The following OPA1 variants were observed in gnomAD, a reference collection of about 807,000 sequenced individuals.
OPA1 encodes dynamin-like GTPase OPA1, mitochondrial.
A neutral mutation model predicts 152.9 loss-of-function variants in OPA1; 59 were observed. That is an observed-to-expected ratio of 0.39 (90% CI 0.31 to 0.48). The LOEUF (loss-of-function observed/expected upper bound fraction) is 0.48, where lower values mean the gene tolerates loss of function less well. Among genes scored for constraint, OPA1 ranks in the 20% least tolerant of loss-of-function variants. The pLI, the probability that OPA1 is intolerant of heterozygous loss-of-function variation, is 0.96. For synonymous variants in OPA1, 400 were observed against 389.9 expected (o/e 1.03, Z -0.31); for missense variants, 1,008 against 1,216.8 (o/e 0.83, Z 2.55).
At chr3:193,651,049 AG>A (rs35018181) in intron 21 of OPA1, among the ~76,000 whole-genome samples, 4 of 152,202 alleles carry the variant, frequency 2.6e-5, no homozygotes, top group African/African-American at 9.7e-5. Flanking sequence ...AAGGCGACAC[AG>A]GTAGCTGTGT....
intron 1 of OPA1, among the ~76,000 whole-genome samples, chr3:193,609,493 G>A (rs562296201): frequency 6.6e-5 from 10 of 152,170 alleles, no homozygotes; most frequent in African/African-American, 2.4e-4. Flanking sequence ...TTTCAACTTT[G>A]GTGAATCTGA....
At chr3:193,686,053 A>T (rs561861324) in intron 29 of OPA1, among the ~76,000 whole-genome samples, 5 of 152,302 alleles carry the variant, frequency 3.3e-5, no homozygotes, top group East Asian at 1.9e-4. Context: ...CTTAAAAAAA[A>T]TTTTCATCAA....
At chr3:193,600,489 T>C (rs1726298280) in intron 1 of OPA1, among the ~76,000 whole-genome samples, 1 of 152,198 alleles carries the variant, frequency 6.6e-6, no homozygotes, top group Admixed American at 6.5e-5. Flanking sequence ...ATTATGACTG[T>C]TAAGAGGACA....
rs569450819 is a variant in OPA1 at position 193,655,947 on chromosome 3, C to G, written c.2178+920C>G. ...TATTCGGATGTGATTTCACCCCTTT[C>G]CTATCTTGCTCCAGTGTTAACTTCC... On this transcript the variant is annotated intron_variant, in intron 22 of 30. Transcript: ENST00000361510. 3.6e-4 allele frequency among the ~76,000 whole-genome samples: 55 copies of G among 152,286 alleles called. No homozygotes were observed. In the South Asian group the frequency reaches 0.011, roughly 32 times the overall value.
intron 1 of OPA1, among the ~76,000 whole-genome samples, chr3:193,612,691 A>C (rs1188044859): frequency 2.0e-5 from 3 of 152,184 alleles, no homozygotes; most frequent in Non-Finnish European, 4.4e-5. Flanking sequence ...TGGGCCCATA[A>C]TTTTTATACG....
Position 193,692,133 on chromosome 3 carries a change from G to A in OPA1, c.*5+1G>A. On this transcript the variant is annotated splice_donor_variant, in intron 30 of 30. Transcript: ENST00000361510. LOFTEE classifies it low-confidence loss of function (3UTR_SPLICE). ...CTCTTCATCAGGAGAAATAAATTAA[G>A]TGAGTAAAAATTCTCTAACTGTATT... The A allele has an allele frequency of 6.7e-7, 1 of 1,491,262 alleles. No individual in the cohort carries two copies. Among genetic ancestry groups the A allele is most frequent in the Non-Finnish European group, 9.2e-7 (1 of 1,084,076 alleles). The allele number at this position is 1,491,262 out of a possible 1,614,324, so 92.4% of individuals were successfully genotyped here. A position where few individuals can be genotyped will look rare whatever the true frequency, so the allele number is the denominator to read the frequency against.
At chr3:193,631,692 G>C in intron 8 of OPA1, 27 bp downstream of exon 8, 2 of 1,588,266 alleles carry the variant, frequency 1.3e-6, no homozygotes, top group South Asian at 2.2e-5. Flanking sequence ...AGAAAAACTA[G>C]GGACTTTTAA....
At chr3:193,639,953 A>G (rs182858696) in intron 11 of OPA1, among the ~76,000 whole-genome samples, 37 of 152,284 alleles carry the variant, frequency 2.4e-4, no homozygotes, top group East Asian at 5.8e-4. Context: ...GAGAGTGTCA[A>G]TCATCAATGA....
intron 30 of OPA1, among the ~76,000 whole-genome samples, chr3:193,692,825 CT>C (rs1280329814): frequency 6.6e-6 from 1 of 152,224 alleles, no homozygotes; most frequent in Non-Finnish European, 1.5e-5. Flanking sequence ...AGTGCAATCA[CT>C]GTTCACTGCA....
At chr3:193,636,893 A>T (rs1434838798) in intron 9 of OPA1, among the ~76,000 whole-genome samples, 1 of 152,112 alleles carries the variant, frequency 6.6e-6, no homozygotes, top group East Asian at 1.9e-4. Context: ...CTTTTCTTGC[A>T]TTCAGTATTA....
intron 2 of OPA1, 63 bp downstream of exon 2, chr3:193,615,104 A>T (rs1728816063): frequency 7.6e-7 from 1 of 1,307,800 alleles, no homozygotes; most frequent in Non-Finnish European, 1.1e-6. Flanking sequence ...CTATAGCATA[A>T]ATCATTTTTG....
In OPA1 at chr3:193,667,288, G is replaced by C; in HGVS notation, c.2983+8G>C. 1.0e-5 allele frequency: 12 copies of C among 1,202,788 alleles called. No individual in the cohort carries two copies. The highest frequency in any genetic ancestry group is 1.4e-5 in the Non-Finnish European group (11 of 803,762). 74.5% of individuals were successfully genotyped at this position (1,202,788 alleles called of 1,614,324 possible). Reference sequence around the variant, plus strand: ...AACTGGCGGAAGACCTCAGTGAGTAGTTCTTACTGCCCTCTACCTTACTAC... The same window carrying C: ...AACTGGCGGAAGACCTCAGTGAGTACTTCTTACTGCCCTCTACCTTACTAC... On this transcript the variant is annotated splice_region_variant and intron_variant, in intron 29 of 30. Transcript: ENST00000361510.
chr3:193,678,212 C>G (rs1719504777), intron 29 of OPA1, among the ~76,000 whole-genome samples: 2 of 152,086 alleles, frequency 1.3e-5, no homozygotes, highest in Non-Finnish European at 2.9e-5. Context: ...GCCATTTTAT[C>G]TTTAGTCTCT....
intron 6 of OPA1, among the ~76,000 whole-genome samples, chr3:193,624,848 T>A (rs1730789300): frequency 1.3e-5 from 2 of 152,142 alleles, no homozygotes; most frequent in South Asian, 4.1e-4. Flanking sequence ...TTAAGACACT[T>A]TCTAATTATA....
intron 1 of OPA1, among the ~76,000 whole-genome samples, chr3:193,598,180 CAG>C (rs1304155502): frequency 6.6e-6 from 1 of 152,144 alleles, no homozygotes; most frequent in Non-Finnish European, 1.5e-5. Context: ...GAATTCCAAA[CAG>C]TGATTCACCT....
At chr3:193,624,607 AATG>A (rs1730730208) in intron 6 of OPA1, among the ~76,000 whole-genome samples, 1 of 152,136 alleles carries the variant, frequency 6.6e-6, no homozygotes, top group South Asian at 2.1e-4. Context: ...TAGGTTTGTT[AATG>A]ATCATAAAAC....
At position 193,670,272 on chromosome 3, in the gene OPA1, C is replaced by T. The variant is rs12638054; in HGVS notation, c.2983+2992C>T. Among the ~76,000 whole-genome samples, 1,121 of 152,292 alleles carry T rather than the reference C, an allele frequency of 7.4e-3. 10 individuals carry two copies. Among genetic ancestry groups the T allele is most frequent in the African/African-American group, 0.022 (906 of 41,560 alleles). ...GGCAATCAAATTTTTACTACAGTTT[C>T]AGCCTGTTACAGAATATTGTATAGA... On this transcript the variant is annotated intron_variant, in intron 29 of 30. Coordinates refer to ENST00000361510, the MANE Select transcript of OPA1 (RefSeq NM_130837.3).
intron 11 of OPA1, 40 bp downstream of exon 11, chr3:193,638,105 G>T: frequency 7.2e-7 from 1 of 1,395,560 alleles, no homozygotes; most frequent in South Asian, 1.2e-5. Context: ...CCTTAGGAGA[G>T]TAACTGCTTC....
At chr3:193,594,631 A>G (rs753353148) in intron 1 of OPA1, among the ~76,000 whole-genome samples, 2 of 151,964 alleles carry the variant, frequency 1.3e-5, no homozygotes, top group Non-Finnish European at 2.9e-5. Context: ...CATGTGATCC[A>G]CCCTCCTCGA....
Sources: gnomAD v4.1 joint callset for allele counts (sites outside exome capture counted in the v4.1 genomes callset) on GRCh38, gnomAD v4.1.1 for gene constraint, MANE v1.5 for transcripts, NCBI Gene and HGNC (gene_info 2026-07-23, HGNC 2026-07-21) for gene names.